The following ZNF782 variants were observed in gnomAD, a reference collection of about 807,000 sequenced individuals.
The protein encoded by ZNF782 is zinc finger protein 782.
ZNF782 carries 12 observed loss-of-function variants against 13.0 expected under a neutral mutation model. That is an observed-to-expected ratio of 0.92 (90% CI 0.59 to 1.50). The LOEUF (loss-of-function observed/expected upper bound fraction) is 1.50, where lower values mean the gene tolerates loss of function less well. Ranked by LOEUF, ZNF782 falls within the 40% of genes most tolerant of loss-of-function variation. ZNF782 has a pLI of 0.00. For missense variants in ZNF782, 770 were observed against 822.9 expected, an observed-to-expected ratio of 0.94 and a Z score of 0.79; for synonymous variants, 284 against 283.0, an observed-to-expected ratio of 1.00 and a Z score of -0.04.
the ZNF782 span, among the ~76,000 whole-genome samples, chr9:96,917,931 G>GTGTGC: frequency 8.7e-6 from 1 of 115,426 alleles, no homozygotes; most frequent in African/African-American, 4.4e-5. Context: ...TGTGTGTGTA[G>GTGTGC]ATGGGGGTCT....
chr9:96,829,517 T>C (rs1850730848), intron 4 of ZNF782, among the ~76,000 whole-genome samples: 1 of 152,138 alleles, frequency 6.6e-6, no homozygotes, highest in Non-Finnish European at 1.5e-5. Flanking sequence ...TCCACAATTG[T>C]AGCTGGACAG....
chr9:96,883,395 G>A, the ZNF782 span, among the ~76,000 whole-genome samples: 1 of 152,126 alleles, frequency 6.6e-6, no homozygotes, highest in Non-Finnish European at 1.5e-5. Context: ...GAGCAGTGTA[G>A]CTCCTCTGAA....
At chr9:96,925,628 CA>C in the ZNF782 span, among the ~76,000 whole-genome samples, 15,671 of 85,460 alleles carry the variant, frequency 0.18, 902 homozygotes, top group African/African-American at 0.25. Context: ...GACTCTATCT[CA>C]AAAAAAAAAA....
chr9:96,927,314 T>G, the ZNF782 span, among the ~76,000 whole-genome samples: 1 of 152,074 alleles, frequency 6.6e-6, no homozygotes, highest in African/African-American at 2.4e-5. Context: ...TTCTAACTCC[T>G]GGAGAAACCA....
chr9:96,847,893 C>T (rs1279628471), intron 3 of ZNF782, among the ~76,000 whole-genome samples: 2 of 152,104 alleles, frequency 1.3e-5, no homozygotes, highest in East Asian at 3.8e-4. Flanking sequence ...GACCAATATC[C>T]CTGATGAACA....
intron 3 of ZNF782, among the ~76,000 whole-genome samples, chr9:96,848,910 C>T (rs1851415514): frequency 6.6e-6 from 1 of 152,162 alleles, no homozygotes; most frequent in Non-Finnish European, 1.5e-5. Flanking sequence ...ACCACAATAC[C>T]AGACTTCAAA....
intron 1 of ZNF782, among the ~76,000 whole-genome samples, chr9:96,874,777 T>C (rs1288987193): frequency 6.6e-6 from 1 of 152,206 alleles, no homozygotes; most frequent in Non-Finnish European, 1.5e-5. Context: ...CAAGAGCTGC[T>C]TTGCTCTACA....
the ZNF782 span, chr9:96,891,683 C>T: frequency 1.1e-4 from 17 of 151,930 alleles, no homozygotes; most frequent in Admixed American, 9.2e-4. Flanking sequence ...CTCAGCCTCC[C>T]GAGTACCTGG....
the ZNF782 span, chr9:96,893,880 G>T: frequency 9.1e-5 from 13 of 143,442 alleles, 1 homozygote; most frequent in African/African-American, 3.9e-4. Flanking sequence ...GGCGCCTGTA[G>T]TCCCAGCTAC....
chr9:96,819,900 A>C, intron 5 of ZNF782, 122 bp from the exon 6 acceptor site: 2 of 807,874 alleles, frequency 2.5e-6, no homozygotes, highest in Non-Finnish European at 3.4e-6. Context: ...TCAGTTTCTC[A>C]ACAATAAAGT....
At chr9:96,846,026 A>G (rs1176206992) in intron 3 of ZNF782, among the ~76,000 whole-genome samples, 1 of 152,178 alleles carries the variant, frequency 6.6e-6, no homozygotes, top group Admixed American at 6.5e-5. Context: ...CACAAGAAAG[A>G]AGGGATTGGG....
the ZNF782 span, among the ~76,000 whole-genome samples, chr9:96,924,788 A>C: frequency 6.6e-6 from 1 of 152,266 alleles, no homozygotes; most frequent in Admixed American, 6.5e-5. Flanking sequence ...GAATGTGAGC[A>C]GCACGGCCGA....
the ZNF782 span, among the ~76,000 whole-genome samples, chr9:96,930,523 C>CA: frequency 0.11 from 6,515 of 61,348 alleles, 398 homozygotes; most frequent in African/African-American, 0.24. Context: ...GACTCCGTCT[C>CA]AAAAAAAAAA....
At chr9:96,873,833 C>T (rs866862869) in intron 1 of ZNF782, among the ~76,000 whole-genome samples, 3 of 152,152 alleles carry the variant, frequency 2.0e-5, no homozygotes, top group Non-Finnish European at 4.4e-5. Context: ...AGAATATAAA[C>T]GTGACTGAAA....
At position 96,817,672 on chromosome 9, in the gene ZNF782, T is replaced by A; in HGVS notation, c.*251A>T. 1 of 363,964 alleles carries A rather than the reference T, an allele frequency of 2.7e-6. No individual in the cohort carries two copies. Among genetic ancestry groups the A allele is most frequent in the Non-Finnish European group, 4.9e-6 (1 of 204,684 alleles). The allele number at this position is 363,964 out of a possible 1,614,324, so 22.5% of individuals were successfully genotyped here. On this transcript the variant is annotated 3_prime_UTR_variant, in exon 6 of 6. Transcript: ENST00000481138. The stretch of plus-strand genomic sequence containing the variant: ...TCGCAAGAGTATTTTCCATATTCAT[T>A]ATGTTTATAGGGTTTCTTTGCTGTG...
At chr9:96,910,851 T>C in the ZNF782 span, among the ~76,000 whole-genome samples, 2 of 150,090 alleles carry the variant, frequency 1.3e-5, no homozygotes, top group South Asian at 2.1e-4. Flanking sequence ...TTAGCCAGTA[T>C]GGTCTCGATC....
chr9:96,910,029 T>A, the ZNF782 span: 1 of 552,048 alleles, frequency 1.8e-6, no homozygotes, highest in African/African-American at 2.0e-5. Context: ...CCCTGAACTC[T>A]CGTTTTCTTT....
chr9:96,912,115 C>A, the ZNF782 span, among the ~76,000 whole-genome samples: 1 of 145,836 alleles, frequency 6.9e-6, no homozygotes. Flanking sequence ...GCAGGAGAAT[C>A]GCTTCAACCC....
intron 4 of ZNF782, among the ~76,000 whole-genome samples, chr9:96,842,946 A>G (rs1035991182): frequency 7.2e-5 from 11 of 152,166 alleles, no homozygotes; most frequent in Non-Finnish European, 8.8e-5. Context: ...ATGAAAAGAT[A>G]TTTGATTATC....
Sources: gnomAD v4.1 joint callset for allele counts (sites outside exome capture counted in the v4.1 genomes callset) on GRCh38, gnomAD v4.1.1 for gene constraint, MANE v1.5 for transcripts, NCBI Gene and HGNC (gene_info 2026-07-23, HGNC 2026-07-21) for gene names.